TEX2: variants seen among roughly 807,000 people sequenced by gnomAD.
TEX2 encodes the protein testis expressed 2.
In TEX2, 53 loss-of-function variants were observed where a neutral mutation model predicts 106.9. That is an observed-to-expected ratio of 0.50 (90% CI 0.40 to 0.62). The LOEUF (loss-of-function observed/expected upper bound fraction) is 0.62. Ranked by LOEUF, TEX2 falls within the 20% of genes least tolerant of loss-of-function variation. The pLI is 0.00. For missense variants in TEX2, 1,207 were observed against 1,379.0 expected, an observed-to-expected ratio of 0.88 and a Z score of 1.98; for synonymous variants, 523 against 534.8, an observed-to-expected ratio of 0.98 and a Z score of 0.30.
intron 1 of TEX2, among the ~76,000 whole-genome samples, chr17:64,233,950 C>A (rs1194332426): frequency 1.3e-5 from 2 of 152,150 alleles, no homozygotes; most frequent in Non-Finnish European, 2.9e-5. Context: ...GTGGTCCTAA[C>A]CCCCCAACTC....
chr17:64,148,945 A>G lies in TEX2; in HGVS notation c.*24T>C, dbSNP rs2030199392. Reference sequence around the variant, plus strand: ...CACACATCCAGCTCGATGTCACAATATGGGGAACATCTGACATCACCCATC... The same window carrying G: ...CACACATCCAGCTCGATGTCACAATGTGGGGAACATCTGACATCACCCATC... On this transcript the variant is annotated 3_prime_UTR_variant, in exon 12 of 12. Transcript: ENST00000584379. 1 of 1,613,708 alleles carries G rather than the reference A, an allele frequency of 6.2e-7. No individual in the cohort carries two copies. Among genetic ancestry groups the G allele is most frequent in the Non-Finnish European group, 8.5e-7 (1 of 1,179,796 alleles).
intron 1 of TEX2, among the ~76,000 whole-genome samples, chr17:64,241,223 C>G (rs782269887): frequency 6.6e-6 from 1 of 152,208 alleles, no homozygotes; most frequent in Non-Finnish European, 1.5e-5. Flanking sequence ...TGTCTAATGT[C>G]TGGCAGCTAG....
chr17:64,187,239 T>C (rs1482857460), intron 5 of TEX2, among the ~76,000 whole-genome samples: 2 of 152,198 alleles, frequency 1.3e-5, no homozygotes, highest in Non-Finnish European at 2.9e-5. Flanking sequence ...AGAATGTTCA[T>C]GGTAAATCTT....
At position 64,214,210 on chromosome 17, in the gene TEX2, C is replaced by A. The variant is rs1555632297; in HGVS notation, c.8G>T (p.Ser3Ile). 1 of 1,611,048 alleles carries A rather than the reference C, an allele frequency of 6.2e-7. No homozygotes were observed. Among genetic ancestry groups the A allele is most frequent in the Non-Finnish European group, 8.5e-7 (1 of 1,177,596 alleles). Reference sequence around the variant, plus strand: ...TTTCTCGGCATGGCGACCATACAGACTTGTCATTGCCGGCTTCACAAGGGC... The same window carrying A: ...TTTCTCGGCATGGCGACCATACAGAATTGTCATTGCCGGCTTCACAAGGGC... The part of the protein sequence containing the change: MT[S>I]LYGRHAEKTT... Residue 3 changes from serine (S) to isoleucine (I), a missense_variant, in exon 2 of 12, where the codon AGT becomes ATT. Ser to Ile is a moderately radical substitution (Grantham distance 142, BLOSUM62 -2). Transcript: ENST00000584379.
chr17:64,157,545 GC>G (rs1421295993), intron 8 of TEX2, among the ~76,000 whole-genome samples: 2 of 152,192 alleles, frequency 1.3e-5, no homozygotes, highest in African/African-American at 2.4e-5. Context: ...GACTGTGGAG[GC>G]AATTCTAAAA....
In TEX2 at chr17:64,263,259, C is replaced by A; in HGVS notation, c.-117G>T. The A allele has an allele frequency of 6.7e-6, 1 of 148,792 alleles. No homozygotes were observed. The highest frequency in any genetic ancestry group is 1.9e-4 in the South Asian group (1 of 5,352). 9.2% of individuals were successfully genotyped at this position (148,792 alleles called of 1,614,324 possible). A position where few individuals can be genotyped will look rare whatever the true frequency, so the allele number is the denominator to read the frequency against. On this transcript the variant is annotated 5_prime_UTR_variant, in exon 1 of 12. It adds an upstream start codon to the 5' untranslated region. Transcript: ENST00000584379. ...TTCGGCTGGGGCACCGGCCGCGGTC[C>A]TGCTGCCCTGCCGCCCGCCCGCCCC...
In TEX2 at chr17:64,150,902, C is replaced by T. The variant is rs2030319213; in HGVS notation, c.3200G>A (p.Arg1067Lys). 1 of 1,613,930 alleles carries T rather than the reference C, an allele frequency of 6.2e-7. No individual in the cohort carries two copies. The highest frequency in any genetic ancestry group is 8.5e-7 in the Non-Finnish European group (1 of 1,179,990). Residue 1067 changes from arginine (R) to lysine (K), a missense_variant, in exon 11 of 12, where the codon AGA (arginine) becomes AAA (lysine). Transcript: ENST00000584379. ...TGTCACATGAACTAAAGTCACTTCT[C>T]TCTCTCCAAGTTTTGGCCGAGCTTT... ...ELKARPKLGE[R>K]EVTLVHVTDW... is the part of the protein sequence containing the mutation.
Position 64,195,503 on chromosome 17 carries a change from T to G in TEX2, c.1645-408A>C, listed in dbSNP as rs546770111. 6.6e-6 allele frequency among the ~76,000 whole-genome samples: 1 copy of G among 152,190 alleles called. No individual in the cohort carries two copies. The highest frequency in any genetic ancestry group is 2.4e-5 in the African/African-American group (1 of 41,444). On this transcript the variant is annotated intron_variant, in intron 2 of 11. Transcript: ENST00000584379. This position sits in a 1 kb window ranked among gnomAD's most constrained non-coding sequence, Gnocchi z 4.1. ...TAAACACATGCTCTTCCCAGCCCAG[T>G]TGGAATCTTTGAAATTTCAGGTATT... is the stretch of plus-strand genomic sequence containing the variant.
In TEX2 at chr17:64,194,957, T is replaced by C. The variant is rs748267342; in HGVS notation, c.1783A>G (p.Asn595Asp). The C allele has an allele frequency of 5.6e-6, 9 of 1,614,074 alleles. No homozygotes were observed. The highest frequency in any genetic ancestry group is 6.8e-6 in the Non-Finnish European group (8 of 1,180,018). Residue 595 changes from asparagine to aspartate, a missense_variant, in exon 3 of 12, where the codon AAT (asparagine) becomes GAT (aspartate). Physicochemically the swap from Asn to Asp is conservative, Grantham distance 23 (BLOSUM62 1). This residue lies in a region of TEX2 where 1,067 missense variants were observed against 1,193.6 expected (regional missense o/e 0.89). Transcript: ENST00000584379. ...NKNISRRASY[N>D]EPKPEVTYIS... ...TAGGTGACCTCTGGCTTGGGTTCAT[T>C]GTAGCTGGCCCTCCTGGATATATTT...
chr17:64,228,140 T>C (rs1278258236), intron 1 of TEX2, among the ~76,000 whole-genome samples: 1 of 152,200 alleles, frequency 6.6e-6, no homozygotes, highest in Non-Finnish European at 1.5e-5. Context: ...TTGAACCATA[T>C]GTATACATCT....
chr17:64,159,829 A>AT (rs2030804028), intron 8 of TEX2, among the ~76,000 whole-genome samples: 1 of 152,232 alleles, frequency 6.6e-6, no homozygotes, highest in African/African-American at 2.4e-5. Context: ...AAATAGAAAC[A>AT]TTTCATTAAG....
intron 2 of TEX2, among the ~76,000 whole-genome samples, chr17:64,203,174 G>T (rs1555630310): frequency 6.6e-6 from 1 of 152,194 alleles, no homozygotes; most frequent in Non-Finnish European, 1.5e-5. Flanking sequence ...GCTGACCAGA[G>T]AAAAGTGCCA....
intron 1 of TEX2, among the ~76,000 whole-genome samples, chr17:64,228,719 G>C (rs2033578130): frequency 6.6e-6 from 1 of 152,158 alleles, no homozygotes; most frequent in Non-Finnish European, 1.5e-5. Context: ...CCTGGTCTGT[G>C]GCCCGGGGAT....
At chr17:64,155,179 C>G (rs1743259099) in intron 8 of TEX2, 1 of 474,922 alleles carries the variant, frequency 2.1e-6, no homozygotes, top group Admixed American at 4.4e-5. Flanking sequence ...CACTCTTCAG[C>G]ACCAAGGCCT....
At chr17:64,218,627 C>G (rs2033261975) in intron 1 of TEX2, among the ~76,000 whole-genome samples, 1 of 152,008 alleles carries the variant, frequency 6.6e-6, no homozygotes, top group Non-Finnish European at 1.5e-5. Context: ...CCATATTGGC[C>G]AGGCTGGTCT....
chr17:64,231,964 T>C (rs2033668256), intron 1 of TEX2, among the ~76,000 whole-genome samples: 1 of 152,228 alleles, frequency 6.6e-6, no homozygotes, highest in South Asian at 2.1e-4. Flanking sequence ...CTCACCGGCA[T>C]GTTATCCGGG....
At chr17:64,234,997 G>T (rs2033736665) in intron 1 of TEX2, among the ~76,000 whole-genome samples, 1 of 152,006 alleles carries the variant, frequency 6.6e-6, no homozygotes, top group East Asian at 1.9e-4. Flanking sequence ...AAAGTGGCAG[G>T]AATTCTTGGA....
intron 1 of TEX2, among the ~76,000 whole-genome samples, chr17:64,215,028 A>G (rs577969520): frequency 6.6e-6 from 1 of 152,350 alleles, no homozygotes; most frequent in Non-Finnish European, 1.5e-5. Context: ...AACTCTACCA[A>G]GGACTGTGGT....
rs1038353486 is a variant in TEX2, at chr17:64,148,289, G to C, written c.*680C>G. 1 of 152,664 alleles carries C rather than the reference G, an allele frequency of 6.6e-6. No homozygotes were observed. Among genetic ancestry groups the C allele is most frequent in the African/African-American group, 2.4e-5 (1 of 41,444 alleles). 9.5% of individuals were successfully genotyped at this position (152,664 alleles called of 1,614,324 possible). ...AAGATTAGCTAGCCCCCAGGTGGTT[G>C]TACCTCATTGGTGAAAGGCTTGGGA... On this transcript the variant is annotated 3_prime_UTR_variant, in exon 12 of 12. Coordinates refer to ENST00000584379, the MANE Select transcript of TEX2 (RefSeq NM_001288732.2).
Sources: allele counts gnomAD v4.1 joint callset (sites outside exome capture counted in the v4.1 genomes callset), GRCh38; gene constraint gnomAD v4.1.1; regional missense constraint gnomAD v4.1.1; non-coding constraint Gnocchi (gnomAD v3.1); transcripts MANE v1.5; gene names NCBI Gene and HGNC (gene_info 2026-07-23, HGNC 2026-07-21).